DUSP15: variants seen among roughly 807,000 people sequenced by gnomAD.
The protein encoded by DUSP15 is dual specificity protein phosphatase 15.
In DUSP15, 23 loss-of-function variants were observed where a neutral mutation model predicts 26.3. The ratio of observed to expected loss-of-function variants is 0.87; its 90% CI spans 0.63 to 1.24. The LOEUF is 1.24. Ranked by LOEUF, DUSP15 falls within the 50% of genes most tolerant of loss-of-function variation. The pLI is 0.00. For synonymous variants in DUSP15, 143 were observed against 135.5 expected (o/e 1.06, Z -0.39); for missense variants, 364 against 320.6 (o/e 1.14, Z -1.03).
rs924610861 is a variant in DUSP15, at chr20:31,870,497, C to T, written c.-160G>A. 1.4e-6 allele frequency: 2 copies of T among 1,390,938 alleles called. No individual in the cohort carries two copies. Among genetic ancestry groups the T allele is most frequent in the Admixed American group, 6.3e-5 (2 of 31,856 alleles). The allele number at this position is 1,390,938 out of a possible 1,614,324, so 86.2% of individuals were successfully genotyped here. Reference sequence around the variant, plus strand: ...CCCAGCCCTGCCCAGCCACCGCCACCGCCCGCCGACCCCCGGCCCGGGAGG... The same window carrying T: ...CCCAGCCCTGCCCAGCCACCGCCACTGCCCGCCGACCCCCGGCCCGGGAGG... On this transcript the variant is annotated 5_prime_UTR_variant, in exon 1 of 7. Transcript: ENST00000339738. This position sits in a 1 kb window ranked among gnomAD's most constrained non-coding sequence, Gnocchi z 6.6.
chr20:31,847,139 C>T (rs184237676), downstream of DUSP15, among the ~76,000 whole-genome samples: 13 of 152,332 alleles, frequency 8.5e-5, no homozygotes, highest in Non-Finnish European at 1.6e-4. Context: ...ACACTTACTT[C>T]TTCAACCAAC....
chr20:31,869,483 A>G (rs2123321390), intron 2 of DUSP15, 81 bp downstream of exon 2: 1 of 1,548,770 alleles, frequency 6.5e-7, no homozygotes, highest in Non-Finnish European at 8.8e-7. Context: ...CCTGAGATGC[A>G]TGGGCCAGGG....
chr20:31,867,193 G>A, intron 2 of DUSP15, 40 bp from the exon 3 acceptor site: 2 of 1,542,038 alleles, frequency 1.3e-6, no homozygotes, highest in Non-Finnish European at 1.8e-6. Context: ...TGGCTGGCGG[G>A]ATGTCCTGAT....
At position 31,855,146 on chromosome 20, in the gene DUSP15, G is replaced by A. The variant is rs12624961; in HGVS notation, c.427-4470C>T. Among the ~76,000 whole-genome samples the A allele has an allele frequency of 3.6e-3, 547 of 152,192 alleles. 18 individuals are homozygous for A. The East Asian group carries it at 0.082, about 23-fold the overall frequency. On this transcript the variant is annotated intron_variant, in intron 6 of 9. Transcript: ENST00000278979. ...GCCATTTTCAATCACCAACAAAAAAGCACAAAAACATAAAAAATGTGGCAC... is the reference window on the plus strand; with the variant it reads ...GCCATTTTCAATCACCAACAAAAAAACACAAAAACATAAAAAATGTGGCAC...
At chr20:31,851,024 T>A (rs149891241) in intron 6 of DUSP15, among the ~76,000 whole-genome samples, 1,614 of 152,314 alleles carry the variant, frequency 0.011, 15 homozygotes, top group Admixed American at 0.018. Flanking sequence ...GTTGACAGTG[T>A]TTCTGAGTAA....
intron 8 of DUSP15, chr20:31,848,927 C>T (rs373260371): frequency 1.1e-4 from 171 of 1,591,886 alleles, no homozygotes; most frequent in South Asian, 7.6e-4. Context: ...CACAATTATA[C>T]GACACTGAGA....
chr20:31,846,478 A>AGAGAGAGAGAGGG (rs1568647452), downstream of DUSP15, among the ~76,000 whole-genome samples: 1 of 126,488 alleles, frequency 7.9e-6, no homozygotes, highest in African/African-American at 3.1e-5. Flanking sequence ...GAGAGAGAGG[A>AGAGAGAGAGAGGG]GAGAGAGGCA....
At chr20:31,869,500 T>C (rs371003379) in intron 2 of DUSP15, 64 bp downstream of exon 2, 24 of 1,581,246 alleles carry the variant, frequency 1.5e-5, no homozygotes, top group Non-Finnish European at 1.6e-5. Flanking sequence ...AGGGCATGAA[T>C]GGTGGACACA....
Position 31,864,957 on chromosome 20 carries a change from G to A in DUSP15, c.184C>T (p.Pro62Ser). ...RIPVADTPEV[P>S]IKKHFKECIN... ...GGTCCATCCAGGGGAACTTACATGGGTACCTCAGGGGTATCAGCGACCGGG... is the reference window on the plus strand; with the variant it reads ...GGTCCATCCAGGGGAACTTACATGGATACCTCAGGGGTATCAGCGACCGGG... The change falls in exon 4 of 7, where the codon CCC becomes TCC. Residue 62 changes from proline to serine, a missense_variant. Pro to Ser is a moderately conservative substitution (Grantham distance 74, BLOSUM62 -1). Transcript: ENST00000339738. 6.2e-7 allele frequency: 1 copy of A among 1,614,034 alleles called. No individual in the cohort carries two copies. Among genetic ancestry groups the A allele is most frequent in the Non-Finnish European group, 8.5e-7 (1 of 1,179,948 alleles).
intron 6 of DUSP15, among the ~76,000 whole-genome samples, chr20:31,851,243 G>A (rs2062463990): frequency 6.6e-6 from 1 of 152,092 alleles, no homozygotes; most frequent in Non-Finnish European, 1.5e-5. Flanking sequence ...GGGAGCTGGA[G>A]ATGAAAGGTA....
intron 6 of DUSP15, among the ~76,000 whole-genome samples, chr20:31,854,560 C>T (rs2062529474): frequency 6.6e-6 from 1 of 152,102 alleles, no homozygotes; most frequent in African/African-American, 2.4e-5. Flanking sequence ...TAGAATGGTC[C>T]CTGGCACACA....
downstream of DUSP15, among the ~76,000 whole-genome samples, chr20:31,858,984 C>T (rs2062603764): frequency 6.6e-6 from 1 of 152,220 alleles, no homozygotes; most frequent in East Asian, 1.9e-4. This position sits in a 1 kb window ranked among gnomAD's most constrained non-coding sequence, Gnocchi z 4.4. Flanking sequence ...TTACCGACTG[C>T]TCATCAGTGC....
downstream of DUSP15, among the ~76,000 whole-genome samples, chr20:31,858,231 C>T (rs1294458136): frequency 6.6e-6 from 1 of 152,200 alleles, no homozygotes; most frequent in Non-Finnish European, 1.5e-5. This position sits in a 1 kb window ranked among gnomAD's most constrained non-coding sequence, Gnocchi z 4.4. Context: ...TGCCCGCATC[C>T]TCCCAGCATA....
downstream of DUSP15, chr20:31,845,617 G>T (rs529098872): frequency 4.0e-5 from 62 of 1,548,880 alleles, no homozygotes; most frequent in African/African-American, 7.7e-4. Flanking sequence ...GGAATAGCCT[G>T]CCCAGGCTGG....
chr20:31,856,924 G>T (rs2062570933), downstream of DUSP15, among the ~76,000 whole-genome samples: 2 of 152,178 alleles, frequency 1.3e-5, no homozygotes, highest in South Asian at 4.2e-4. Context: ...AGCCAGATGG[G>T]AGTGTTTCAA....
Position 31,864,949 on chromosome 20 carries a change from T to C in DUSP15, c.188+4A>G, listed in dbSNP as rs1475612878. 1 of 1,613,698 alleles carries C rather than the reference T, an allele frequency of 6.2e-7. No homozygotes were observed. The highest frequency in any genetic ancestry group is 8.5e-7 in the Non-Finnish European group (1 of 1,179,778). On this transcript the variant is annotated splice_donor_region_variant and intron_variant, in intron 4 of 6. Coordinates refer to ENST00000339738, the MANE Select transcript of DUSP15 (RefSeq NM_080611.5). ...CATCTATGGGTCCATCCAGGGGAACTTACATGGGTACCTCAGGGGTATCAG... is the reference window on the plus strand; with the variant it reads ...CATCTATGGGTCCATCCAGGGGAACCTACATGGGTACCTCAGGGGTATCAG...
At chr20:31,852,031 G>A (rs1388860450) in intron 6 of DUSP15, among the ~76,000 whole-genome samples, 23 of 146,414 alleles carry the variant, frequency 1.6e-4, no homozygotes, top group Admixed American at 8.2e-4. Context: ...TTTTGAGATG[G>A]AGTTTTGCTC....
downstream of DUSP15, among the ~76,000 whole-genome samples, chr20:31,846,470 GAGAGA>G (rs745697257): frequency 0.012 from 964 of 82,042 alleles, 15 homozygotes; most frequent in African/African-American, 0.065. Context: ...GAGAGAGAGA[GAGAGA>G]GGAGAGAGAG....
chr20:31,846,440 A>AAGAGAG (rs1385705408), downstream of DUSP15, among the ~76,000 whole-genome samples: 167 of 95,328 alleles, frequency 1.8e-3, no homozygotes, highest in African/African-American at 9.4e-3. Context: ...GAAAGGAATG[A>AAGAGAG]ATAGAGAGAG....
Sources: allele counts gnomAD v4.1 joint callset (sites outside exome capture counted in the v4.1 genomes callset), GRCh38; gene constraint gnomAD v4.1.1; non-coding constraint Gnocchi (gnomAD v3.1); transcripts MANE v1.5; gene names NCBI Gene and HGNC (gene_info 2026-07-23, HGNC 2026-07-21).